Variants in PPP3CA observed in about 807,000 individuals in gnomAD.
PPP3CA encodes CAM-PRP catalytic subunit.
Under a neutral mutation model 66.5 loss-of-function variants are expected in PPP3CA, and 14 were observed. The observed-to-expected ratio is 0.21, with a 90% CI of 0.14 to 0.33. PPP3CA has a LOEUF of 0.33. PPP3CA is among the 10% of genes least tolerant of loss of function. The pLI, the probability that PPP3CA is intolerant of heterozygous loss-of-function variation, is 1.00. For synonymous variants in PPP3CA, 232 were observed against 226.2 expected (o/e 1.03, Z -0.23); for missense variants, 317 against 639.5 (o/e 0.50, Z 5.44).
chr4:101,124,770 A>G (rs952176879), intron 2 of PPP3CA, among the ~76,000 whole-genome samples: 92 of 130,548 alleles, frequency 7.0e-4, no homozygotes, highest in Non-Finnish European at 5.0e-4. Flanking sequence ...AAAGAAAGAA[A>G]GAAAGAAAGA....
rs143132834 is a variant in PPP3CA at position 101,198,831 on chromosome 4, G to T, written c.59-2715C>A. ...CCTTCCAGTAATTGCTAATCCTAAGGTAACTGGCTAAGGTAAAGACACCTG... is the reference window on the plus strand; with the variant it reads ...CCTTCCAGTAATTGCTAATCCTAAGTTAACTGGCTAAGGTAAAGACACCTG... On this transcript the variant is annotated intron_variant, in intron 1 of 13. Coordinates refer to ENST00000394854, the MANE Select transcript of PPP3CA (RefSeq NM_000944.5). Among the ~76,000 whole-genome samples the T allele has an allele frequency of 1.6e-4, 24 of 152,190 alleles. No homozygotes were observed. The East Asian group carries it at 4.4e-3, about 28-fold the overall frequency.
At chr4:101,030,848 C>G (rs1296912719) in intron 12 of PPP3CA, among the ~76,000 whole-genome samples, 1 of 152,068 alleles carries the variant, frequency 6.6e-6, no homozygotes, top group African/African-American at 2.4e-5. Flanking sequence ...ATGTGCTTAT[C>G]AGAAACTAGA....
chr4:101,118,106 T>TATGTTTCTAGGGCTTTTAAC (rs1240680522), intron 2 of PPP3CA, among the ~76,000 whole-genome samples: 102 of 152,194 alleles, frequency 6.7e-4, no homozygotes, highest in African/African-American at 2.4e-3. Flanking sequence ...CTTCCAAGCC[T>TATGTTTCTAGGGCTTTTAAC]ATGTTTCTAG....
chr4:101,131,001 C>G (rs1722410727), intron 2 of PPP3CA, among the ~76,000 whole-genome samples: 1 of 152,000 alleles, frequency 6.6e-6, no homozygotes, highest in South Asian at 2.1e-4. Context: ...CCGAGGTGGG[C>G]AGATCACCTG....
intron 1 of PPP3CA, among the ~76,000 whole-genome samples, chr4:101,309,853 GAAA>G (rs978076086): frequency 6.6e-6 from 1 of 152,066 alleles, no homozygotes; most frequent in Non-Finnish European, 1.5e-5. Context: ...AAATATTGTA[GAAA>G]AATAGTGTGC....
intron 2 of PPP3CA, among the ~76,000 whole-genome samples, chr4:101,134,944 T>C (rs769334386): frequency 2.6e-5 from 4 of 152,036 alleles, no homozygotes; most frequent in Non-Finnish European, 5.9e-5. Flanking sequence ...CTGGAAACCA[T>C]CATTCTCAGC....
chr4:101,235,647 G>A (rs1235212053), intron 1 of PPP3CA, among the ~76,000 whole-genome samples: 2 of 151,824 alleles, frequency 1.3e-5, no homozygotes, highest in Non-Finnish European at 2.9e-5. Context: ...TAGATGCTCA[G>A]TAAACGTATT....
chr4:101,239,655 T>C (rs1726237674), intron 1 of PPP3CA, among the ~76,000 whole-genome samples: 1 of 152,032 alleles, frequency 6.6e-6, no homozygotes, highest in Non-Finnish European at 1.5e-5. Context: ...TTTTAATGGT[T>C]TACCTCTGCT....
At chr4:101,280,913 G>C (rs1727662132) in intron 1 of PPP3CA, among the ~76,000 whole-genome samples, 1 of 151,318 alleles carries the variant, frequency 6.6e-6, no homozygotes. Context: ...GAAAAGAGAA[G>C]GGGGCATTCC....
At position 101,106,458 on chromosome 4, in the gene PPP3CA, A is replaced by AGAAAGAAGAGAAGAGAAGAGAAGAGAAG. The variant is rs1560605216; in HGVS notation, c.384+2495_384+2496insCTTCTCTTCTCTTCTCTTCTCTTCTTTC. On this transcript the variant is annotated intron_variant, in intron 3 of 13. Coordinates refer to ENST00000394854, the MANE Select transcript of PPP3CA (RefSeq NM_000944.5). ...GAAAGAAAGAAAGAAAGAAAGAGAA[A>AGAAAGAAGAGAAGAGAAGAGAAGAGAAG]AGAAAAGAAAAGAAAAGAAAAGAAA... Among the ~76,000 whole-genome samples the AGAAAGAAGAGAAGAGAAGAGAAGAGAAG allele has an allele frequency of 3.1e-4, 10 of 32,714 alleles. 1 individual carries two copies. The highest frequency in any genetic ancestry group is 5.4e-4 in the African/African-American group (3 of 5,604). The allele number at this position is 32,714 out of a possible 152,430, so 21.5% of individuals were successfully genotyped here.
intron 2 of PPP3CA, among the ~76,000 whole-genome samples, chr4:101,136,408 G>A (rs1722622077): frequency 6.6e-6 from 1 of 152,074 alleles, no homozygotes. Context: ...GGACATGGTG[G>A]CATGTGCCTG....
chr4:101,100,628 G>A (rs1730402967), intron 3 of PPP3CA, among the ~76,000 whole-genome samples: 1 of 152,156 alleles, frequency 6.6e-6, no homozygotes, highest in Admixed American at 6.5e-5. Flanking sequence ...ATCGTCAACT[G>A]ACATTTGTTA....
At chr4:101,251,529 T>C (rs1726677234) in intron 1 of PPP3CA, among the ~76,000 whole-genome samples, 3 of 152,106 alleles carry the variant, frequency 2.0e-5, no homozygotes, top group Admixed American at 2.0e-4. Flanking sequence ...AGTACAATGA[T>C]GTTTCTCTCT....
chr4:101,285,599 A>ATGTGTGTGTG lies in PPP3CA; in HGVS notation c.58+61130_58+61139dup, dbSNP rs56681112. Among the ~76,000 whole-genome samples the ATGTGTGTGTG allele has an allele frequency of 1.1e-3, 136 of 124,588 alleles. 3 individuals are homozygous for ATGTGTGTGTG. The highest frequency in any genetic ancestry group is 2.9e-3 in the African/African-American group (95 of 32,996). The allele number at this position is 124,588 out of a possible 152,430, so 81.7% of individuals were successfully genotyped here. On this transcript the variant is annotated intron_variant, in intron 1 of 13. Coordinates refer to ENST00000394854, the MANE Select transcript of PPP3CA (RefSeq NM_000944.5). ...TTCCCTTTCAAATGCCACTGTGTGT[A>ATGTGTGTGTG]TGTGTGTGTGTGTGTGTGTGTGTGT...
At chr4:101,136,550 A>AT (rs1722628116) in intron 2 of PPP3CA, among the ~76,000 whole-genome samples, 1 of 151,900 alleles carries the variant, frequency 6.6e-6, no homozygotes, top group Admixed American at 6.6e-5. Context: ...CAAAAAAAAA[A>AT]AAGTGTTCAT....
In PPP3CA at chr4:101,106,449, GAAAGAGAAAAGAAA is replaced by G. The variant is rs1730719204; in HGVS notation, c.384+2491_384+2504del. Among the ~76,000 whole-genome samples, 17 of 5,548 alleles carry G rather than the reference GAAAGAGAAAAGAAA, an allele frequency of 3.1e-3. 1 individual carries two copies. Among genetic ancestry groups the G allele is most frequent in the Admixed American group, 8.2e-3 (3 of 368 alleles). 3.6% of individuals were successfully genotyped at this position (5,548 alleles called of 152,430 possible). A position where few individuals can be genotyped will look rare whatever the true frequency, so the allele number is the denominator to read the frequency against. ...AGAAAGAAAGAAAGAAAGAAAGAAA[GAAAGAGAAAAGAAA>G]AGAAAAGAAAAGAAAAGAAAAGAAA... On this transcript the variant is annotated intron_variant, in intron 3 of 13. Coordinates refer to ENST00000394854, the MANE Select transcript of PPP3CA (RefSeq NM_000944.5).
At chr4:101,220,341 A>C (rs1725586471) in intron 1 of PPP3CA, among the ~76,000 whole-genome samples, 1 of 151,040 alleles carries the variant, frequency 6.6e-6, no homozygotes, top group Non-Finnish European at 1.5e-5. Context: ...AGCTAAAATA[A>C]TGGTCAAATG....
At chr4:101,180,109 G>A (rs1468213646) in intron 2 of PPP3CA, among the ~76,000 whole-genome samples, 1 of 152,182 alleles carries the variant, frequency 6.6e-6, no homozygotes, top group African/African-American at 2.4e-5. Flanking sequence ...ACATCTAGCA[G>A]AGATGAGCAG....
intron 8 of PPP3CA, among the ~76,000 whole-genome samples, chr4:101,070,456 T>C (rs28376904): frequency 0.039 from 5,876 of 152,198 alleles, 165 homozygotes; most frequent in South Asian, 0.074. Flanking sequence ...TAAAGAACAG[T>C]GGAAAGGATA....
Sources: allele counts gnomAD v4.1 joint callset (sites outside exome capture counted in the v4.1 genomes callset), GRCh38; gene constraint gnomAD v4.1.1; transcripts MANE v1.5; gene names NCBI Gene and HGNC (gene_info 2026-07-23, HGNC 2026-07-21).